ARCN1: variants seen among roughly 807,000 people sequenced by gnomAD.
The protein encoded by ARCN1 is coatomer subunit delta.
In ARCN1, 5 loss-of-function variants were observed where a neutral mutation model predicts 60.4. The observed-to-expected ratio is 0.08, with a 90% CI of 0.04 to 0.17. The LOEUF is 0.17. Ranked by LOEUF, ARCN1 falls within the 10% of genes least tolerant of loss-of-function variation. The pLI is 1.00. For synonymous variants in ARCN1, 224 were observed against 220.0 expected (o/e 1.02, Z -0.16); for missense variants, 464 against 626.5 (o/e 0.74, Z 2.77).
intron 1 of ARCN1, 36 bp downstream of exon 1, chr11:118,572,586 C>G (rs782311943): frequency 6.3e-7 from 1 of 1,597,268 alleles, no homozygotes. Context: ...TCCTGGGGTC[C>G]GAGCCTCACC....
chr11:118,601,397 A>G lies in ARCN1; in HGVS notation c.*683A>G, dbSNP rs782378153. ...TTTAATCCCTAAATATAATCCCTAA[A>G]TATAGTTATATTTCATACTTAGTTT... On this transcript the variant is annotated 3_prime_UTR_variant, in exon 10 of 10. Coordinates refer to ENST00000264028, the MANE Select transcript of ARCN1 (RefSeq NM_001655.5). 7 of 573,168 alleles carry G rather than the reference A, an allele frequency of 1.2e-5. No homozygotes were observed. Among genetic ancestry groups the G allele is most frequent in the Non-Finnish European group, 2.2e-5 (7 of 319,094 alleles). 35.5% of individuals were successfully genotyped at this position (573,168 alleles called of 1,614,324 possible). A position where few individuals can be genotyped will look rare whatever the true frequency, so the allele number is the denominator to read the frequency against.
chr11:118,582,776 C>T (rs933903045), intron 2 of ARCN1, among the ~76,000 whole-genome samples: 1 of 150,116 alleles, frequency 6.7e-6, no homozygotes, highest in Non-Finnish European at 1.5e-5. Context: ...CGCAGTGGCT[C>T]ACGCCTGTAA....
At chr11:118,585,564 G>A (rs997452835) in intron 5 of ARCN1, among the ~76,000 whole-genome samples, 1 of 151,828 alleles carries the variant, frequency 6.6e-6, no homozygotes, top group Non-Finnish European at 1.5e-5. Context: ...TTTTGAGATG[G>A]GGTTTCACTC....
chr11:118,584,876 A>C (rs1310663428), intron 5 of ARCN1, among the ~76,000 whole-genome samples: 1 of 151,938 alleles, frequency 6.6e-6, no homozygotes, highest in Non-Finnish European at 1.5e-5. Context: ...CCCAGGCTGG[A>C]GTGCAGTGGT....
At chr11:118,600,488 T>A in intron 9 of ARCN1, 137 bp from the exon 10 acceptor site, 1 of 565,336 alleles carries the variant, frequency 1.8e-6, no homozygotes, top group South Asian at 2.3e-5. Flanking sequence ...AGTTGTGAAT[T>A]GAACATTTTT....
intron 5 of ARCN1, among the ~76,000 whole-genome samples, chr11:118,589,864 C>T (rs1217604280): frequency 1.3e-5 from 2 of 152,194 alleles, no homozygotes; most frequent in Non-Finnish European, 1.5e-5. Context: ...TGAAGAATTG[C>T]TGTATCAAAG....
At chr11:118,589,375 T>G (rs1555075929) in intron 5 of ARCN1, among the ~76,000 whole-genome samples, 2 of 152,148 alleles carry the variant, frequency 1.3e-5, no homozygotes. Context: ...GTTTTTTCAG[T>G]TGTTTGTTTT....
chr11:118,572,738 C>T (rs1938377110), intron 1 of ARCN1, 188 bp downstream of exon 1: 2 of 578,102 alleles, frequency 3.5e-6, no homozygotes, highest in Admixed American at 6.8e-5. Flanking sequence ...GAGCTGACTC[C>T]AGTCCATCTG....
rs954535891 is a variant in ARCN1, at chr11:118,572,526, G to A, written c.-22G>A. On this transcript the variant is annotated 5_prime_UTR_variant, in exon 1 of 10. Transcript: ENST00000264028. The stretch of plus-strand genomic sequence containing the variant: ...TCCCCAGTGGAGCCGGAGTGCGGGC[G>A]CGCCCCACCACCGCCCTCACCATGG... The A allele has an allele frequency of 3.8e-5, 61 of 1,611,200 alleles. No homozygotes were observed. The highest frequency in any genetic ancestry group is 5.1e-5 in the Non-Finnish European group (60 of 1,179,056).
At chr11:118,586,968 G>T (rs2135546124) in intron 5 of ARCN1, among the ~76,000 whole-genome samples, 1 of 152,044 alleles carries the variant, frequency 6.6e-6, no homozygotes, top group South Asian at 2.1e-4. Context: ...CTTTTGTGAA[G>T]GTAAAATGGT....
In ARCN1 at chr11:118,572,485, C is replaced by G; in HGVS notation, c.-63C>G. On this transcript the variant is annotated 5_prime_UTR_variant, in exon 1 of 10. Transcript: ENST00000264028. ...CCAGAGCTGCTGGTGCTCCCGTTCC[C>G]CAGACCCTACCCCTATCCCCAGTGG... 6.3e-7 allele frequency: 1 copy of G among 1,594,466 alleles called. No individual in the cohort carries two copies.
rs539845191 is a variant in ARCN1, at chr11:118,585,589, G to A, written c.818+945G>A. 1.3e-4 allele frequency among the ~76,000 whole-genome samples: 20 copies of A among 151,922 alleles called. No homozygotes were observed. In the East Asian group the frequency reaches 3.9e-3, roughly 29 times the overall value. On this transcript the variant is annotated intron_variant, in intron 5 of 9. Coordinates refer to ENST00000264028, the MANE Select transcript of ARCN1 (RefSeq NM_001655.5). ...GGGTTTCACTCTGTCACCCAGGCTG[G>A]AGTACAGTGGTGCAATCTCAGCTTG...
chr11:118,601,153 C>G lies in ARCN1; in HGVS notation c.*439C>G. On this transcript the variant is annotated 3_prime_UTR_variant, in exon 10 of 10. Coordinates refer to ENST00000264028, the MANE Select transcript of ARCN1 (RefSeq NM_001655.5). ...TCTCAGCTCACTGCAACCTCCGCCTCCTGGGTTCAAGCAAGTCTCCTGCCT... is the reference window on the plus strand; with the variant it reads ...TCTCAGCTCACTGCAACCTCCGCCTGCTGGGTTCAAGCAAGTCTCCTGCCT... 1 of 184,762 alleles carries G rather than the reference C, an allele frequency of 5.4e-6. No individual in the cohort carries two copies. The allele number at this position is 184,762 out of a possible 1,614,324, so 11.4% of individuals were successfully genotyped here. A position where few individuals can be genotyped will look rare whatever the true frequency, so the allele number is the denominator to read the frequency against.
chr11:118,590,758 C>T (rs1938886674), intron 6 of ARCN1, among the ~76,000 whole-genome samples: 1 of 152,176 alleles, frequency 6.6e-6, no homozygotes, highest in Admixed American at 6.5e-5. Flanking sequence ...TAAATGACTT[C>T]ATACTCACCA....
chr11:118,583,150 C>A, intron 2 of ARCN1, 29 bp from the exon 3 acceptor site: 2 of 1,609,116 alleles, frequency 1.2e-6, no homozygotes, highest in Non-Finnish European at 1.7e-6. Flanking sequence ...AATTCTAAAT[C>A]TTTCTTTTTT....
rs781978275 is a variant in ARCN1, at chr11:118,593,714, G to A, written c.1241+16G>A. The A allele has an allele frequency of 3.8e-5, 60 of 1,561,284 alleles. No individual in the cohort carries two copies. The highest frequency in any genetic ancestry group is 5.3e-5 in the Non-Finnish European group (60 of 1,132,812). On this transcript the variant is annotated intron_variant, in intron 8 of 9. Coordinates refer to ENST00000264028, the MANE Select transcript of ARCN1 (RefSeq NM_001655.5). ...TCCCACTCCCGTAAGTGCTGTCCCTGTGTCCTCTACGGTGGACTTAGAGAA... is the reference window on the plus strand; with the variant it reads ...TCCCACTCCCGTAAGTGCTGTCCCTATGTCCTCTACGGTGGACTTAGAGAA...
In ARCN1 at chr11:118,583,878, G is replaced by A; in HGVS notation, c.517G>A (p.Ala173Thr). 6.2e-7 allele frequency: 1 copy of A among 1,614,224 alleles called. No homozygotes were observed. Among genetic ancestry groups the A allele is most frequent in the Non-Finnish European group, 8.5e-7 (1 of 1,180,038 alleles). Reference protein sequence around the residue: ...AKELQQARRDAERQGKKAPGF... With the variant: ...AKELQQARRDTERQGKKAPGF... Reference sequence around the variant, plus strand: ...GGAATTACAACAGGCCCGAAGAGATGCAGAGAGACAGGGCAAAAAAGCACC... The same window carrying A: ...GGAATTACAACAGGCCCGAAGAGATACAGAGAGACAGGGCAAAAAAGCACC... Residue 173 changes from alanine to threonine, a missense_variant, in exon 4 of 10, where the codon GCA becomes ACA. By Grantham distance (58) the Ala-to-Thr change is moderately conservative. This residue lies in a region of ARCN1 where 359 missense variants were observed against 440.2 expected (regional missense o/e 0.82). Transcript: ENST00000264028.
chr11:118,600,731 C>T lies in ARCN1; in HGVS notation c.*17C>T, dbSNP rs782672438. On this transcript the variant is annotated 3_prime_UTR_variant, in exon 10 of 10. Transcript: ENST00000264028. Reference sequence around the variant, plus strand: ...ATTCTGTAATACCAAGAAGAGGGAGCTGAAAAGGAAAATTTTCAGATTAAT... The same window carrying T: ...ATTCTGTAATACCAAGAAGAGGGAGTTGAAAAGGAAAATTTTCAGATTAAT... 3.2e-6 allele frequency: 5 copies of T among 1,543,124 alleles called. No individual in the cohort carries two copies. The Admixed American group carries it at 9.8e-5, about 30-fold the overall frequency.
chr11:118,572,583 G>C, intron 1 of ARCN1, 33 bp downstream of exon 1: 1 of 1,600,226 alleles, frequency 6.2e-7, no homozygotes, highest in Non-Finnish European at 8.5e-7. Flanking sequence ...AACTCCTGGG[G>C]TCCGAGCCTC....
Sources: gnomAD v4.1 joint callset for allele counts (sites outside exome capture counted in the v4.1 genomes callset) on GRCh38, gnomAD v4.1.1 for gene constraint, gnomAD v4.1.1 regional missense constraint, MANE v1.5 for transcripts, NCBI Gene and HGNC (gene_info 2026-07-23, HGNC 2026-07-21) for gene names.